PAXIP1: variants seen among roughly 807,000 people sequenced by gnomAD.
PAXIP1 encodes PAX-interacting protein 1.
A neutral mutation model predicts 140.6 loss-of-function variants in PAXIP1; 19 were observed. The observed-to-expected ratio is 0.14, with a 90% CI of 0.09 to 0.20. The LOEUF is 0.20. Among genes scored for constraint, PAXIP1 ranks in the 10% least tolerant of loss-of-function variants. The pLI, the probability that PAXIP1 is intolerant of heterozygous loss-of-function variation, is 1.00. For synonymous variants in PAXIP1, 442 were observed against 444.6 expected (o/e 0.99, Z 0.07); for missense variants, 920 against 1,208.6 (o/e 0.76, Z 3.54).
intron 20 of PAXIP1, chr7:154,945,706 G>A (rs966974358): frequency 2.0e-6 from 2 of 985,300 alleles, no homozygotes; most frequent in Non-Finnish European, 2.4e-6. Flanking sequence ...GGAAACGGAA[G>A]TGGAAACAGA....
At chr7:154,999,729 G>A (rs536873539) in intron 1 of PAXIP1, among the ~76,000 whole-genome samples, 2 of 152,202 alleles carry the variant, frequency 1.3e-5, no homozygotes, top group African/African-American at 4.8e-5. Flanking sequence ...TTCTTTGGGG[G>A]TCGTGTTAAT....
rs1426988575 is a variant in PAXIP1 at position 154,976,206 on chromosome 7, A to G, written c.564T>C (p.Tyr188=). The change falls in exon 6 of 21, where the codon TAT becomes TAC. Residue 188 remains tyrosine, a synonymous_variant. Transcript: ENST00000404141. The part of the protein sequence containing the change: ...EAFYHPRLII[Y]EEEEEEEEEE... ...CTTCCTCTTCCTCTTCTTCCTCTTC[A>G]TAAATAATCAGACGAGGATGATAAA... 6 of 1,612,832 alleles carry G rather than the reference A, an allele frequency of 3.7e-6. No homozygotes were observed. In the Admixed American group the frequency reaches 8.4e-5, roughly 22 times the overall value.
At chr7:154,945,992 T>A (rs546977207) in intron 20 of PAXIP1, 116 of 985,076 alleles carry the variant, frequency 1.2e-4, no homozygotes, top group Middle Eastern at 5.2e-4. Flanking sequence ...AAAGACTATA[T>A]ACGAACTAAA....
chr7:154,963,678 T>C lies in PAXIP1; in HGVS notation c.1982A>G (p.Tyr661Cys). 1 of 1,611,796 alleles carries C rather than the reference T, an allele frequency of 6.2e-7. No homozygotes were observed. Among genetic ancestry groups the C allele is most frequent in the Non-Finnish European group, 8.5e-7 (1 of 1,178,370 alleles). The stretch of plus-strand genomic sequence containing the variant: ...TAAGGCTATTTTCCTTACCTGTGCA[T>C]ACGCGCTGCTGACTTGACTCTCACA... ...LLCESQVSSA[Y>C]AQAIRERKRC... Residue 661 changes from tyrosine to cysteine, a missense_variant, in exon 9 of 21, where the codon TAT becomes TGT. Coordinates refer to ENST00000404141, the MANE Select transcript of PAXIP1 (RefSeq NM_007349.4). The surrounding 1 kb of genome is among the most constrained non-coding windows in gnomAD (Gnocchi z 4.1).
chr7:154,995,943 T>C (rs1007606648), intron 2 of PAXIP1, among the ~76,000 whole-genome samples: 1 of 152,246 alleles, frequency 6.6e-6, no homozygotes, highest in African/African-American at 2.4e-5. Flanking sequence ...AAAATAATTT[T>C]AAAAGTTTTG....
At chr7:154,994,400 A>G (rs976974255) in intron 2 of PAXIP1, among the ~76,000 whole-genome samples, 1 of 152,090 alleles carries the variant, frequency 6.6e-6, no homozygotes, top group African/African-American at 2.4e-5. Flanking sequence ...AAATGTAGTA[A>G]TGCCCCCATT....
intron 10 of PAXIP1, among the ~76,000 whole-genome samples, 195 bp from the exon 11 acceptor site, chr7:154,961,843 C>T (rs1454710859): frequency 1.3e-5 from 2 of 152,200 alleles, no homozygotes; most frequent in East Asian, 3.8e-4. Flanking sequence ...ACACATAGCC[C>T]TCACGGGGAG....
chr7:154,995,865 C>G (rs1460935893), intron 2 of PAXIP1, among the ~76,000 whole-genome samples: 1 of 152,124 alleles, frequency 6.6e-6, no homozygotes, highest in East Asian at 1.9e-4. Flanking sequence ...AATAAGCCCA[C>G]TACAAGTCAG....
In PAXIP1 at chr7:154,946,129, G is replaced by A. The variant is rs900548519; in HGVS notation, c.3194+236C>T. On this transcript the variant is annotated intron_variant, in intron 20 of 20. Transcript: ENST00000404141. The surrounding 1 kb of genome is among the most constrained non-coding windows in gnomAD (Gnocchi z 4.9). ...ATACCTCCATAAACTAGACAGTATAGATCCTTTCTAATTAACATCACCTAT... is the reference window on the plus strand; with the variant it reads ...ATACCTCCATAAACTAGACAGTATAAATCCTTTCTAATTAACATCACCTAT... 2 of 974,752 alleles carry A rather than the reference G, an allele frequency of 2.1e-6. No homozygotes were observed. Among genetic ancestry groups the A allele is most frequent in the African/African-American group, 3.5e-5 (2 of 57,008 alleles). 60.4% of individuals were successfully genotyped at this position (974,752 alleles called of 1,614,324 possible).
At chr7:154,949,561 C>CTTCA (rs2150739528) in intron 16 of PAXIP1, 1 of 152,344 alleles carries the variant, frequency 6.6e-6, no homozygotes, top group African/African-American at 2.4e-5. Context: ...GATATGCCTT[C>CTTCA]TGAAGAACTT....
intron 17 of PAXIP1, chr7:154,947,067 A>C (rs558830805): frequency 9.5e-5 from 33 of 348,148 alleles, no homozygotes; most frequent in African/African-American, 6.9e-4. Context: ...TAAGTCCCTA[A>C]AACAAAGTGT....
intron 7 of PAXIP1, among the ~76,000 whole-genome samples, 169 bp downstream of exon 7, chr7:154,968,234 G>A (rs1219728914): frequency 6.6e-6 from 1 of 152,134 alleles, no homozygotes; most frequent in Non-Finnish European, 1.5e-5. Flanking sequence ...ACAAAAGAAA[G>A]CATAATTATC....
At chr7:154,951,080 G>A (rs769251178) in intron 16 of PAXIP1, 1 of 152,280 alleles carries the variant, frequency 6.6e-6, no homozygotes, top group African/African-American at 2.4e-5. Flanking sequence ...AAAACCCAAT[G>A]ACTGTTCAAG....
intron 14 of PAXIP1, 77 bp downstream of exon 14, chr7:154,957,147 T>C: frequency 1.4e-6 from 1 of 729,104 alleles, no homozygotes; most frequent in Non-Finnish European, 2.3e-6. Context: ...TTTTAGAAAC[T>C]TTCCTCAATT....
intron 2 of PAXIP1, among the ~76,000 whole-genome samples, chr7:154,995,669 G>A (rs1810558797): frequency 1.3e-5 from 2 of 152,184 alleles, no homozygotes; most frequent in South Asian, 2.1e-4. Context: ...GGCCAACATG[G>A]TGAAACCCCG....
At chr7:154,962,273 A>G (rs1367451538) in intron 10 of PAXIP1, 48 bp downstream of exon 10, 2 of 1,602,422 alleles carry the variant, frequency 1.2e-6, no homozygotes, top group South Asian at 2.2e-5. Context: ...ATTATTCGCC[A>G]AAGTCGAAGG....
chr7:154,969,037 C>T lies in PAXIP1; in HGVS notation c.1164G>A (p.Leu388=). ...QQGHTNANAV[L]FSQVKVTPET... ...CTGGAGTCACTTTCACTTGGCTAAA[C>T]AGCACTGCATTGGCATTTGTATGTC... Residue 388 remains leucine (L), a synonymous_variant, in exon 7 of 21, where the codon CTG becomes CTA. Coordinates refer to ENST00000404141, the MANE Select transcript of PAXIP1 (RefSeq NM_007349.4). 1 of 1,547,982 alleles carries T rather than the reference C, an allele frequency of 6.5e-7. No homozygotes were observed. The highest frequency in any genetic ancestry group is 8.7e-7 in the Non-Finnish European group (1 of 1,144,910).
chr7:155,001,043 A>T (rs954491633), intron 1 of PAXIP1: 1 of 152,172 alleles, frequency 6.6e-6, no homozygotes, highest in African/African-American at 2.4e-5. Context: ...TCTGTATTAT[A>T]CCTGGCACCT....
Position 154,986,061 on chromosome 7 carries a change from CAGA to C in PAXIP1, c.325-2732_325-2730del, listed in dbSNP as rs1329385145. ...GCCTCAGCCTGCATCAATACCGGGT[CAGA>C]AGAAGGCAGATGATCTCTGTGCTTC... is the stretch of plus-strand genomic sequence containing the variant. On this transcript the variant is annotated intron_variant, in intron 4 of 20. Transcript: ENST00000404141. This position sits in a 1 kb window ranked among gnomAD's most constrained non-coding sequence, Gnocchi z 4.8. 1.3e-5 allele frequency: 18 copies of C among 1,364,966 alleles called. No homozygotes were observed. Among genetic ancestry groups the C allele is most frequent in the Non-Finnish European group, 1.8e-5 (18 of 1,021,330 alleles). 84.6% of individuals were successfully genotyped at this position (1,364,966 alleles called of 1,614,324 possible). A position where few individuals can be genotyped will look rare whatever the true frequency, so the allele number is the denominator to read the frequency against.
Sources: gnomAD v4.1 joint callset for allele counts (sites outside exome capture counted in the v4.1 genomes callset) on GRCh38, gnomAD v4.1.1 for gene constraint, Gnocchi (gnomAD v3.1) non-coding constraint, MANE v1.5 for transcripts, NCBI Gene and HGNC (gene_info 2026-07-23, HGNC 2026-07-21) for gene names.